Variants in CTSC observed in about 807,000 individuals in gnomAD.
CTSC encodes the protein cathepsin C.
CTSC carries 37 observed loss-of-function variants against 40.9 expected under a neutral mutation model. That is an observed-to-expected ratio of 0.91 (90% CI 0.70 to 1.19). The LOEUF (loss-of-function observed/expected upper bound fraction) is 1.19. CTSC is among the 50% of genes most tolerant of loss of function. CTSC has a pLI of 0.00. For synonymous variants in CTSC, 232 were observed against 207.4 expected, an observed-to-expected ratio of 1.12 and a Z score of -1.02; for missense variants, 594 against 567.3, an observed-to-expected ratio of 1.05 and a Z score of -0.48.
intron 6 of CTSC, among the ~76,000 whole-genome samples, chr11:88,295,805 A>C (rs1944292227): frequency 6.6e-6 from 1 of 152,196 alleles, no homozygotes; most frequent in South Asian, 2.1e-4. Context: ...GAGACCTTCA[A>C]ATTATTAGAA....
rs768996088 is a variant in CTSC, at chr11:88,337,520, A to G, written c.153T>C (p.Asp51=). 1 of 1,575,730 alleles carries G rather than the reference A, an allele frequency of 6.3e-7. No homozygotes were observed. Among genetic ancestry groups the G allele is most frequent in the Non-Finnish European group, 8.6e-7 (1 of 1,159,620 alleles). The change falls in exon 1 of 7, where the codon GAT becomes GAC. Residue 51 remains aspartate (D), a synonymous_variant. Transcript: ENST00000227266. ...GCTTACCCATAACCGAGCAGTTGAC[A>G]TCGCGCTGGGAACCGCTGGAGCCCA... The part of the protein sequence containing the change: ...FQVGSSGSQR[D]VNCSVMGPQE...
chr11:88,300,679 T>TAATC, intron 4 of CTSC, 34 bp from the exon 5 acceptor site: 1 of 1,245,788 alleles, frequency 8.0e-7, no homozygotes, highest in South Asian at 1.2e-5. Flanking sequence ...TATCAACATA[T>TAATC]AATCTTTCCT....
chr11:88,297,839 G>C (rs998070865), intron 5 of CTSC: 1 of 152,190 alleles, frequency 6.6e-6, no homozygotes, highest in African/African-American at 2.4e-5. Flanking sequence ...ATGCAATAAA[G>C]AATAAGAAGT....
chr11:88,331,108 G>C (rs967552903), intron 2 of CTSC, among the ~76,000 whole-genome samples: 6 of 152,188 alleles, frequency 3.9e-5, no homozygotes, highest in African/African-American at 1.4e-4. Context: ...CAATACAAAA[G>C]ACTTCGGTGA....
At chr11:88,331,558 C>A (rs1033352165) in intron 2 of CTSC, among the ~76,000 whole-genome samples, 4 of 152,214 alleles carry the variant, frequency 2.6e-5, no homozygotes, top group South Asian at 2.1e-4. Context: ...ATGAGTTCTT[C>A]TTCACCTTCC....
At chr11:88,325,271 AAGG>A (rs1938149331) in intron 2 of CTSC, 6 of 985,422 alleles carry the variant, frequency 6.1e-6, no homozygotes, top group Non-Finnish European at 7.2e-6. Context: ...CTACAAACTG[AAGG>A]AGAAGGTAAG....
chr11:88,301,189 G>C (rs1396016183), intron 4 of CTSC, among the ~76,000 whole-genome samples: 9 of 152,110 alleles, frequency 5.9e-5, no homozygotes, highest in Admixed American at 4.6e-4. Context: ...AAATAAAGTG[G>C]AAACACTTCA....
chr11:88,336,984 TG>T (rs1276077361), intron 1 of CTSC, among the ~76,000 whole-genome samples: 68 of 152,164 alleles, frequency 4.5e-4, no homozygotes, highest in African/African-American at 1.6e-3. Context: ...CAATGCAGAG[TG>T]GTACTAGCCG....
chr11:88,321,135 A>G, intron 2 of CTSC: 2 of 605,786 alleles, frequency 3.3e-6, no homozygotes, highest in Non-Finnish European at 4.1e-6. Flanking sequence ...AAATATATAT[A>G]CATATATATT....
At chr11:88,334,782 CA>C in intron 2 of CTSC, 154 bp downstream of exon 2, 1 of 615,942 alleles carries the variant, frequency 1.6e-6, no homozygotes, top group Non-Finnish European at 2.9e-6. Flanking sequence ...AATAAAGTGG[CA>C]AAATTATACC....
At chr11:88,312,583 A>C (rs1490342366) in intron 2 of CTSC, 29 bp from the exon 3 acceptor site, 1 of 1,613,250 alleles carries the variant, frequency 6.2e-7, no homozygotes, top group Non-Finnish European at 8.5e-7. Context: ...AAAGAAAACC[A>C]AGTAAAATCT....
intron 1 of CTSC, among the ~76,000 whole-genome samples, chr11:88,336,412 G>T (rs750119306): frequency 6.6e-6 from 1 of 151,464 alleles, no homozygotes; most frequent in African/African-American, 2.4e-5. Flanking sequence ...GGTGGCATGT[G>T]CCCGTAATCC....
chr11:88,315,740 C>T (rs1399355165), intron 2 of CTSC, among the ~76,000 whole-genome samples: 1 of 150,962 alleles, frequency 6.6e-6, no homozygotes, highest in African/African-American at 2.4e-5. Flanking sequence ...CCATCCTCCA[C>T]TTCTTCCTAC....
chr11:88,320,718 C>G, intron 2 of CTSC: 1 of 549,550 alleles, frequency 1.8e-6, no homozygotes. Flanking sequence ...TCCACTAAAT[C>G]ATCCAACATA....
At chr11:88,309,814 GCACACACACACACACA>G (rs71470765) in intron 3 of CTSC, among the ~76,000 whole-genome samples, 2 of 118,946 alleles carry the variant, frequency 1.7e-5, no homozygotes, top group African/African-American at 7.4e-5. Flanking sequence ...ATGTATGCGC[GCACACACACACACACA>G]CACACACACA....
chr11:88,335,176 TC>T lies in CTSC; in HGVS notation c.173-95del. On this transcript the variant is annotated intron_variant, in intron 1 of 6. Coordinates refer to ENST00000227266, the MANE Select transcript of CTSC (RefSeq NM_001814.6). ...AATTTCAATTTTAATTGTGCTGCTT[TC>T]CTTTCATGCTACCCAGTTTGAGCAC... 10 of 860,166 alleles carry T rather than the reference TC, an allele frequency of 1.2e-5. No homozygotes were observed. In the South Asian group the frequency reaches 1.4e-4, roughly 12 times the overall value. 53.3% of individuals were successfully genotyped at this position (860,166 alleles called of 1,614,324 possible).
At position 88,294,142 on chromosome 11, in the gene CTSC, C is replaced by G; in HGVS notation, c.1256G>C (p.Gly419Ala). Reference sequence around the variant, plus strand: ...GTTTTTAACAATCCAGTAATCCATCCCAGAGGCTGAGTCAGTGCCATAGCC... The same window carrying G: ...GTTTTTAACAATCCAGTAATCCATCGCAGAGGCTGAGTCAGTGCCATAGCC... ...LVGYGTDSAS[G>A]MDYWIVKNSW... Residue 419 changes from glycine (G) to alanine (A), a missense_variant, in exon 7 of 7, where the codon GGG becomes GCG. Gly to Ala is a moderately conservative substitution (Grantham distance 60). Coordinates refer to ENST00000227266, the MANE Select transcript of CTSC (RefSeq NM_001814.6). 6.2e-7 allele frequency: 1 copy of G among 1,613,918 alleles called. No individual in the cohort carries two copies. The highest frequency in any genetic ancestry group is 8.5e-7 in the Non-Finnish European group (1 of 1,179,994).
intron 2 of CTSC, among the ~76,000 whole-genome samples, chr11:88,328,766 T>C (rs1169553069): frequency 1.3e-5 from 2 of 152,152 alleles, no homozygotes; most frequent in African/African-American, 4.8e-5. Context: ...TGGCTGAGAC[T>C]ATAGGCGTGC....
intron 2 of CTSC, among the ~76,000 whole-genome samples, chr11:88,314,610 C>A (rs1432600642): frequency 6.6e-6 from 1 of 152,144 alleles, no homozygotes; most frequent in Non-Finnish European, 1.5e-5. Context: ...TCACTGCAAC[C>A]TCCGCCTCCC....
Sources: gnomAD v4.1 joint callset for allele counts (sites outside exome capture counted in the v4.1 genomes callset) on GRCh38, gnomAD v4.1.1 for gene constraint, MANE v1.5 for transcripts, NCBI Gene and HGNC (gene_info 2026-07-23, HGNC 2026-07-21) for gene names.